Variants in TRPM8 observed in about 807,000 individuals in gnomAD.
TRPM8 encodes the protein transient receptor potential cation channel subfamily M member 8, also known as TRPM8 cationic channel.
In TRPM8, 110 loss-of-function variants were observed where a neutral mutation model predicts 133.7. The ratio of observed to expected loss-of-function variants is 0.82; its 90% CI spans 0.70 to 0.96. TRPM8 has a LOEUF of 0.96. Among genes scored for constraint, TRPM8 ranks in the 40% least tolerant of loss-of-function variants. The pLI is 0.00. For missense variants in TRPM8, 1,291 were observed against 1,379.5 expected (o/e 0.94, Z 1.02); for synonymous variants, 535 against 532.3 (o/e 1.01, Z -0.07).
At chr2:233,984,794 T>A (rs1692102126) in intron 20 of TRPM8, among the ~76,000 whole-genome samples, 1 of 152,070 alleles carries the variant, frequency 6.6e-6, no homozygotes, top group South Asian at 2.1e-4. Flanking sequence ...GTAAAGATTT[T>A]AAAAATAGGC....
intron 25 of TRPM8, among the ~76,000 whole-genome samples, chr2:234,015,122 CA>C (rs1692927753): frequency 6.6e-6 from 1 of 152,252 alleles, no homozygotes; most frequent in East Asian, 1.9e-4. Flanking sequence ...TTTTTACTAA[CA>C]AAAAATGTTT....
chr2:233,926,742 A>C, intron 2 of TRPM8, 88 bp downstream of exon 2: 1 of 985,372 alleles, frequency 1.0e-6, no homozygotes, highest in Non-Finnish European at 1.6e-6. Context: ...GACTTTTAGA[A>C]CATTTTAAAT....
intron 3 of TRPM8, among the ~76,000 whole-genome samples, chr2:233,934,282 C>T (rs1355493208): frequency 6.6e-6 from 1 of 152,188 alleles, no homozygotes; most frequent in African/African-American, 2.4e-5. Flanking sequence ...TCTTCTTTCT[C>T]AGAGTAGCTA....
chr2:233,975,235 T>G (rs1236268142), intron 17 of TRPM8, among the ~76,000 whole-genome samples: 1 of 152,214 alleles, frequency 6.6e-6, no homozygotes, highest in African/African-American at 2.4e-5. Flanking sequence ...GACAAGCATG[T>G]GTGTTTTTAG....
chr2:233,935,038 A>C (rs1272087723), intron 3 of TRPM8, among the ~76,000 whole-genome samples: 4 of 152,258 alleles, frequency 2.6e-5, no homozygotes, highest in African/African-American at 9.6e-5. Flanking sequence ...ATGTATACTT[A>C]AGCTTGTATT....
At chr2:233,985,145 T>G (rs1436061934) in intron 20 of TRPM8, among the ~76,000 whole-genome samples, 1 of 152,074 alleles carries the variant, frequency 6.6e-6, no homozygotes, top group African/African-American at 2.4e-5. Flanking sequence ...ATTCTCCCAT[T>G]TCCACTGATG....
rs566806977 is a variant in TRPM8 at position 233,978,738 on chromosome 2, A to G, written c.2356-1450A>G. 4.6e-5 allele frequency among the ~76,000 whole-genome samples: 7 copies of G among 152,308 alleles called. No homozygotes were observed. The East Asian group carries it at 1.3e-3, about 29-fold the overall frequency. ...GCAATAAACATCCTATTTACTGAAT[A>G]AAAAAGAGAGAGAGTTTAGCCTTCA... On this transcript the variant is annotated intron_variant, in intron 17 of 25. Transcript: ENST00000324695.
chr2:233,977,891 T>A (rs1284248440), intron 17 of TRPM8, among the ~76,000 whole-genome samples: 1 of 152,248 alleles, frequency 6.6e-6, no homozygotes, highest in Non-Finnish European at 1.5e-5. Flanking sequence ...ATTTTTATTT[T>A]ATTTAGTTGT....
At chr2:233,944,662 A>G (rs1690998825) in intron 6 of TRPM8, among the ~76,000 whole-genome samples, 1 of 152,248 alleles carries the variant, frequency 6.6e-6, no homozygotes, top group Non-Finnish European at 1.5e-5. Context: ...CAATGCAAAT[A>G]AAAACATTAC....
At chr2:233,981,287 C>T (rs779892950) in intron 18 of TRPM8, among the ~76,000 whole-genome samples, 1 of 152,082 alleles carries the variant, frequency 6.6e-6, no homozygotes. Flanking sequence ...GATTCTAGAT[C>T]ACTCCAGTTA....
At chr2:233,985,941 T>A (rs1419023990) in intron 21 of TRPM8, 76 bp downstream of exon 21, 2 of 1,388,496 alleles carry the variant, frequency 1.4e-6, no homozygotes, top group Non-Finnish European at 2.0e-6. Flanking sequence ...GCTGGGAGCA[T>A]CGCAAAGGTC....
intron 6 of TRPM8, 106 bp downstream of exon 6, chr2:233,942,854 T>C (rs2125104479): frequency 7.3e-7 from 1 of 1,370,760 alleles, no homozygotes; most frequent in African/African-American, 1.4e-5. Context: ...AGCCAGATCA[T>C]GGGGAAGTCT....
At chr2:233,984,247 T>C (rs1325889737) in intron 20 of TRPM8, among the ~76,000 whole-genome samples, 5 of 152,164 alleles carry the variant, frequency 3.3e-5, no homozygotes, top group Admixed American at 6.5e-5. Context: ...CTACAGGGCC[T>C]CTCACTGGCC....
At chr2:233,921,298 T>C (rs1376456729) in intron 1 of TRPM8, among the ~76,000 whole-genome samples, 1 of 152,182 alleles carries the variant, frequency 6.6e-6, no homozygotes, top group Admixed American at 6.5e-5. Context: ...CCCTTCACTC[T>C]GCCCCTTTAC....
chr2:233,967,785 G>T (rs551536554), intron 15 of TRPM8, among the ~76,000 whole-genome samples: 1 of 152,272 alleles, frequency 6.6e-6, no homozygotes, highest in East Asian at 1.9e-4. Context: ...AGTAAGGCTG[G>T]TGCTGGAGTC....
intron 20 of TRPM8, 109 bp downstream of exon 20, chr2:233,983,333 C>A: frequency 8.1e-7 from 1 of 1,240,978 alleles, no homozygotes; most frequent in Non-Finnish European, 1.2e-6. Context: ...GCGCGTGAAA[C>A]GGAGTCCAAC....
intron 19 of TRPM8, among the ~76,000 whole-genome samples, chr2:233,982,661 A>G (rs1489115631): frequency 6.6e-6 from 1 of 152,244 alleles, no homozygotes; most frequent in Non-Finnish European, 1.5e-5. Context: ...TTTCCAAACA[A>G]GCAAATAAAC....
chr2:234,003,328 T>C (rs1473812444), intron 22 of TRPM8, among the ~76,000 whole-genome samples: 1 of 152,246 alleles, frequency 6.6e-6, no homozygotes, highest in East Asian at 1.9e-4. Flanking sequence ...CACACATATG[T>C]AATTGCTGTT....
chr2:233,942,525 G>C, intron 5 of TRPM8, 51 bp from the exon 6 acceptor site: 6 of 1,601,998 alleles, frequency 3.7e-6, no homozygotes, highest in Non-Finnish European at 5.1e-6. Context: ...GCCCAGAATG[G>C]AAACTTTGCC....
Sources: gnomAD v4.1 joint callset for allele counts (sites outside exome capture counted in the v4.1 genomes callset) on GRCh38, gnomAD v4.1.1 for gene constraint, MANE v1.5 for transcripts, NCBI Gene and HGNC (gene_info 2026-07-23, HGNC 2026-07-21) for gene names.